The following MORC3 variants were observed in gnomAD, a reference collection of about 807,000 sequenced individuals.
MORC3 encodes MORC family CW-type zinc finger protein 3.
MORC3 carries 31 observed loss-of-function variants against 109.1 expected under a neutral mutation model. The observed-to-expected ratio is 0.28, with a 90% CI of 0.21 to 0.38. The LOEUF (loss-of-function observed/expected upper bound fraction) is 0.38, where lower values mean the gene tolerates loss of function less well. Among genes scored for constraint, MORC3 ranks in the 10% least tolerant of loss-of-function variants. MORC3 has a pLI of 1.00. For missense variants in MORC3, 867 were observed against 1,135.8 expected (o/e 0.76, Z 3.40); for synonymous variants, 395 against 380.7 (o/e 1.04, Z -0.44).
chr21:36,326,079 T>A (rs2085244815), intron 1 of MORC3, among the ~76,000 whole-genome samples: 4 of 151,250 alleles, frequency 2.6e-5, no homozygotes, highest in Admixed American at 2.6e-4. Context: ...TGGTGGTGGG[T>A]GCCTGTAATC....
At chr21:36,355,640 T>C (rs2085636658) in intron 9 of MORC3, among the ~76,000 whole-genome samples, 2 of 152,200 alleles carry the variant, frequency 1.3e-5, no homozygotes, top group South Asian at 2.1e-4. Flanking sequence ...TAGAGTACTT[T>C]TGTTTGCATT....
At chr21:36,336,782 A>G in intron 2 of MORC3, 92 bp from the exon 3 acceptor site, 4 of 1,262,950 alleles carry the variant, frequency 3.2e-6, no homozygotes, top group Non-Finnish European at 4.2e-6. Flanking sequence ...GTCTTAAAAC[A>G]TAGTCTTCTA....
At chr21:36,330,179 C>T (rs1477013243) in intron 1 of MORC3, among the ~76,000 whole-genome samples, 6 of 152,078 alleles carry the variant, frequency 3.9e-5, no homozygotes, top group South Asian at 2.1e-4. Flanking sequence ...CCGCACCTGG[C>T]CATTCCCTTT....
At chr21:36,337,590 A>T (rs368435247) in intron 3 of MORC3, 142 bp from the exon 4 acceptor site, 23 of 517,386 alleles carry the variant, frequency 4.4e-5, no homozygotes, top group East Asian at 2.1e-4. Flanking sequence ...TACAGCTAGG[A>T]AGGGTGAGGC....
rs1248799971 is a variant in MORC3, at chr21:36,357,847, TCTC to T, written c.1208+1126_1208+1128del. ...CCTCCACCTCCCGGGTTCAAGCAAT[TCTC>T]CTGCCTCAGCCTTCCGAGGAGCTGG... On this transcript the variant is annotated intron_variant, in intron 10 of 16. Transcript: ENST00000400485. 4.0e-5 allele frequency among the ~76,000 whole-genome samples: 6 copies of T among 151,186 alleles called. No homozygotes were observed. The East Asian group carries it at 1.2e-3, about 30-fold the overall frequency.
At chr21:36,341,653 A>G in intron 6 of MORC3, 107 bp downstream of exon 6, 6 of 1,445,334 alleles carry the variant, frequency 4.2e-6, no homozygotes, top group Non-Finnish European at 5.7e-6. Flanking sequence ...AGTGCTCTCT[A>G]AATGAAAGTA....
At position 36,341,471 on chromosome 21, in the gene MORC3, G is replaced by A. The variant is rs746611822; in HGVS notation, c.681G>A (p.Glu227=). 64 of 1,614,048 alleles carry A rather than the reference G, an allele frequency of 4.0e-5. 1 individual carries two copies. The South Asian group carries it at 6.7e-4, about 17-fold the overall frequency. ...TCAGAATTCCCGAGGATTTAGATGA[G>A]ATAACAGGGAAGAAGGGGTACAAGA... is the stretch of plus-strand genomic sequence containing the variant. ...YDIRIPEDLD[E]ITGKKGYKKQ... The change falls in exon 6 of 17, where the codon GAG becomes GAA. Residue 227 remains glutamate, a synonymous_variant. Transcript: ENST00000400485.
At chr21:36,337,649 A>T in intron 3 of MORC3, 83 bp from the exon 4 acceptor site, 1 of 983,598 alleles carries the variant, frequency 1.0e-6, no homozygotes, top group Non-Finnish European at 1.4e-6. Flanking sequence ...TAATGAATTA[A>T]AAAAAAAGAT....
chr21:36,329,845 CTTTTCTTTTTTTGTTTTTTTTTG>C (rs990077766), intron 1 of MORC3, among the ~76,000 whole-genome samples: 8 of 151,644 alleles, frequency 5.3e-5, no homozygotes, highest in Non-Finnish European at 1.0e-4. Context: ...TCCCTTTTTT[CTTTTCTTTTTTTGTTTTTTTTTG>C]TTTTTGTTTT....
chr21:36,338,775 A>T lies in MORC3; in HGVS notation c.462A>T (p.Arg154=). 1 of 1,612,862 alleles carries T rather than the reference A, an allele frequency of 6.2e-7. No individual in the cohort carries two copies. The highest frequency in any genetic ancestry group is 8.5e-7 in the Non-Finnish European group (1 of 1,178,980). The part of the protein sequence containing the change: ...VVPIVAFNKH[R]QMINLAESKA... ...CTGAGTCTTTAACTTATGATATACG[A>T]CAGATGATTAATTTAGCAGAATCAA... The change falls in exon 5 of 17, where the codon CGA becomes CGT. Residue 154 remains arginine, a splice_region_variant and synonymous_variant. Transcript: ENST00000400485.
intron 8 of MORC3, among the ~76,000 whole-genome samples, chr21:36,348,968 A>G (rs1490330226): frequency 2.0e-5 from 3 of 152,040 alleles, no homozygotes; most frequent in South Asian, 2.1e-4. Context: ...GAGACTAGCC[A>G]TGGTGAAACC....
Position 36,320,423 on chromosome 21 carries a change from G to A in MORC3, c.39+120G>A, listed in dbSNP as rs2085177461. 9 of 1,030,672 alleles carry A rather than the reference G, an allele frequency of 8.7e-6. No homozygotes were observed. The South Asian group carries it at 2.1e-4, about 24-fold the overall frequency. 63.8% of individuals were successfully genotyped at this position (1,030,672 alleles called of 1,614,324 possible). On this transcript the variant is annotated intron_variant, in intron 1 of 16. Coordinates refer to ENST00000400485, the MANE Select transcript of MORC3 (RefSeq NM_015358.3). ...CCGACGCGGCGGCGGGGGCTGCGGCGGGGCCCGGGGAGGGGGCGGCCATCT... is the reference window on the plus strand; with the variant it reads ...CCGACGCGGCGGCGGGGGCTGCGGCAGGGCCCGGGGAGGGGGCGGCCATCT...
intron 1 of MORC3, chr21:36,333,371 G>C (rs1434732036): frequency 2.4e-6 from 1 of 412,394 alleles, no homozygotes; most frequent in Non-Finnish European, 4.3e-6. Context: ...GGCAAGGTAT[G>C]TCCCTATTTG....
At chr21:36,353,777 T>TTTTTTTTTTTTTTA (rs1472481952) in intron 9 of MORC3, among the ~76,000 whole-genome samples, 1 of 144,630 alleles carries the variant, frequency 6.9e-6, no homozygotes, top group East Asian at 2.0e-4. Flanking sequence ...TTTTTTTTTT[T>TTTTTTTTTTTTTTA]AGTAAAGACA....
chr21:36,328,976 G>C (rs1002464671), intron 1 of MORC3, among the ~76,000 whole-genome samples: 3 of 150,636 alleles, frequency 2.0e-5, no homozygotes, highest in African/African-American at 4.9e-5. Context: ...AAAAAATCAC[G>C]AAAGAAACTT....
chr21:36,345,568 C>A (rs2085498655), intron 8 of MORC3, among the ~76,000 whole-genome samples: 1 of 151,730 alleles, frequency 6.6e-6, no homozygotes, highest in African/African-American at 2.4e-5. Context: ...ACTACAGGCA[C>A]GTGCCGCCAC....
At position 36,360,261 on chromosome 21, in the gene MORC3, G is replaced by A; in HGVS notation, c.1406+3G>A. The stretch of plus-strand genomic sequence containing the variant: ...TATGAAAAAACCTACAAAAAGACGT[G>A]AGTGTTGTATTGATGTATAGTGGGT... On this transcript the variant is annotated splice_donor_region_variant and intron_variant, in intron 12 of 16. Coordinates refer to ENST00000400485, the MANE Select transcript of MORC3 (RefSeq NM_015358.3). 1.2e-6 allele frequency: 2 copies of A among 1,611,930 alleles called. No individual in the cohort carries two copies. The highest frequency in any genetic ancestry group is 1.7e-6 in the Non-Finnish European group (2 of 1,178,430).
At chr21:36,360,664 TC>T (rs2085703175) in intron 12 of MORC3, 1 of 200,192 alleles carries the variant, frequency 5.0e-6, no homozygotes, top group Admixed American at 5.4e-5. Flanking sequence ...AGTAGTTCTG[TC>T]TGGTGGGCAG....
intron 2 of MORC3, among the ~76,000 whole-genome samples, chr21:36,334,626 G>GT: frequency 6.6e-6 from 1 of 152,274 alleles, no homozygotes; most frequent in South Asian, 2.1e-4. Flanking sequence ...TAGTACAAAA[G>GT]TATGTGTAAC....
Sources: gnomAD v4.1 joint callset for allele counts (sites outside exome capture counted in the v4.1 genomes callset) on GRCh38, gnomAD v4.1.1 for gene constraint, MANE v1.5 for transcripts, NCBI Gene and HGNC (gene_info 2026-07-23, HGNC 2026-07-21) for gene names.